MARK3: variants seen among roughly 807,000 people sequenced by gnomAD.
MARK3 encodes the protein MAP/microtubule affinity-regulating kinase 3.
MARK3 carries 46 observed loss-of-function variants against 90.1 expected under a neutral mutation model. The ratio of observed to expected loss-of-function variants is 0.51; its 90% confidence interval spans 0.40 to 0.65. The LOEUF (loss-of-function observed/expected upper bound fraction) is 0.65, where lower values mean the gene tolerates loss of function less well. MARK3 is among the 30% of genes least tolerant of loss of function. The pLI is 0.00. For synonymous variants in MARK3, 321 were observed against 332.6 expected (o/e 0.97, Z 0.38); for missense variants, 818 against 947.2 (o/e 0.86, Z 1.79).
At chr14:103,481,983 G>T (rs1487391979) in intron 14 of MARK3, among the ~76,000 whole-genome samples, 1 of 150,582 alleles carries the variant, frequency 6.6e-6, no homozygotes, top group Non-Finnish European at 1.5e-5. Flanking sequence ...AGCCAGGATG[G>T]TCTCGATCTC....
chr14:103,388,684 CT>C (rs1300432503), intron 1 of MARK3, among the ~76,000 whole-genome samples: 1 of 152,202 alleles, frequency 6.6e-6, no homozygotes, highest in African/African-American at 2.4e-5. Context: ...TGCCCTCTCC[CT>C]TTCTTAGCCC....
In MARK3 at chr14:103,452,000, A is replaced by G. The variant is rs372829549; in HGVS notation, c.412+17A>G. ...CAAGTGGAGGTAAGAACATTTTTAT[A>G]TATATTGGGTTTTTTTTCTTTCTCC... On this transcript the variant is annotated intron_variant, in intron 5 of 17. Transcript: ENST00000429436. 1.2e-5 allele frequency: 19 copies of G among 1,567,864 alleles called. No homozygotes were observed. The highest frequency in any genetic ancestry group is 1.7e-5 in the Non-Finnish European group (19 of 1,142,426).
chr14:103,415,626 A>G (rs1296615292), intron 2 of MARK3, among the ~76,000 whole-genome samples: 1 of 151,768 alleles, frequency 6.6e-6, no homozygotes, highest in Non-Finnish European at 1.5e-5. Context: ...TTTCAAGTTC[A>G]TTATTTTCCC....
chr14:103,479,971 G>A (rs1357682590), intron 13 of MARK3, among the ~76,000 whole-genome samples: 2 of 152,032 alleles, frequency 1.3e-5, no homozygotes, highest in Non-Finnish European at 2.9e-5. Flanking sequence ...AATATCTATT[G>A]AAGGTGCCGA....
chr14:103,398,745 C>T (rs189141211), intron 1 of MARK3, among the ~76,000 whole-genome samples: 39 of 152,322 alleles, frequency 2.6e-4, no homozygotes, highest in Non-Finnish European at 1.3e-4. Flanking sequence ...AATTGCCTAG[C>T]TGCTTTCAAA....
chr14:103,459,861 C>T (rs1306286694), intron 6 of MARK3, among the ~76,000 whole-genome samples: 1 of 151,608 alleles, frequency 6.6e-6, no homozygotes, highest in Non-Finnish European at 1.5e-5. Context: ...ATTACTTTGA[C>T]TAAGTAAAAC....
chr14:103,387,968 G>C (rs2089943971), intron 1 of MARK3, among the ~76,000 whole-genome samples: 2 of 152,108 alleles, frequency 1.3e-5, no homozygotes, highest in African/African-American at 4.8e-5. Flanking sequence ...GTCTGGCTCT[G>C]TCTCCCAGGC....
At chr14:103,411,268 C>T (rs1254502922) in intron 2 of MARK3, among the ~76,000 whole-genome samples, 4 of 152,036 alleles carry the variant, frequency 2.6e-5, no homozygotes, top group Non-Finnish European at 2.9e-5. Context: ...AGTGAGACTC[C>T]GTCTCGAAAA....
Position 103,385,623 on chromosome 14 carries a change from A to T in MARK3, c.-407A>T. 15 of 161,870 alleles carry T rather than the reference A, an allele frequency of 9.3e-5. No individual in the cohort carries two copies. Among genetic ancestry groups the T allele is most frequent in the East Asian group, 7.1e-4 (4 of 5,610 alleles). The allele number at this position is 161,870 out of a possible 1,614,324, so 10.0% of individuals were successfully genotyped here. On this transcript the variant is annotated 5_prime_UTR_variant, in exon 1 of 18. Transcript: ENST00000429436. ...CATCCTCCTCCGCCTCCTCGTTTTCAGGCGCCGCCGGCGGCGCTGTGTGGA... is the reference window on the plus strand; with the variant it reads ...CATCCTCCTCCGCCTCCTCGTTTTCTGGCGCCGCCGGCGGCGCTGTGTGGA...
At chr14:103,451,008 G>A (rs530724908) in intron 4 of MARK3, among the ~76,000 whole-genome samples, 5 of 136,128 alleles carry the variant, frequency 3.7e-5, no homozygotes, top group South Asian at 2.4e-4. Flanking sequence ...TCAGGTCACT[G>A]CAACCTCCAC....
At chr14:103,423,378 T>A (rs978123555) in intron 2 of MARK3, among the ~76,000 whole-genome samples, 1 of 152,124 alleles carries the variant, frequency 6.6e-6, no homozygotes, top group African/African-American at 2.4e-5. Context: ...GTATGAGCTG[T>A]CCCATCCCTA....
At chr14:103,438,574 A>C (rs973431529) in intron 3 of MARK3, among the ~76,000 whole-genome samples, 1 of 152,188 alleles carries the variant, frequency 6.6e-6, no homozygotes, top group East Asian at 1.9e-4. Context: ...GTTAGTACCA[A>C]ATTCATTTTA....
At chr14:103,455,547 T>C (rs532007334) in intron 5 of MARK3, among the ~76,000 whole-genome samples, 66 of 152,114 alleles carry the variant, frequency 4.3e-4, no homozygotes, top group Admixed American at 2.0e-3. Context: ...GCCAACGTGG[T>C]GAAACCCCCA....
intron 7 of MARK3, among the ~76,000 whole-genome samples, 172 bp from the exon 8 acceptor site, chr14:103,465,380 TATAAA>T (rs1194748918): frequency 6.6e-6 from 1 of 152,240 alleles, no homozygotes; most frequent in East Asian, 1.9e-4. Flanking sequence ...TTGTTAATAT[TATAAA>T]ATAAGGAGTT....
At chr14:103,445,858 C>T (rs11622356) in intron 3 of MARK3, among the ~76,000 whole-genome samples, 39,096 of 151,978 alleles carry the variant, frequency 0.26, 6,190 homozygotes, top group Middle Eastern at 0.43. Context: ...AGAACTGTGA[C>T]AACTCTGTAA....
chr14:103,486,695 T>C (rs17617941), intron 14 of MARK3, among the ~76,000 whole-genome samples: 39,642 of 152,012 alleles, frequency 0.26, 6,440 homozygotes, highest in Middle Eastern at 0.45. Flanking sequence ...CTGCCTGTTG[T>C]AAATAGGATT....
intron 2 of MARK3, among the ~76,000 whole-genome samples, chr14:103,419,211 A>G (rs1418565720): frequency 6.6e-6 from 1 of 152,176 alleles, no homozygotes; most frequent in Non-Finnish European, 1.5e-5. Context: ...GAATGGCGTG[A>G]ACCCGGGAGG....
At chr14:103,417,147 A>G (rs2091978937) in intron 2 of MARK3, 1 of 152,228 alleles carries the variant, frequency 6.6e-6, no homozygotes, top group African/African-American at 2.4e-5. Context: ...ATTTGCAGAG[A>G]TTGGGGTTTT....
intron 3 of MARK3, among the ~76,000 whole-genome samples, chr14:103,438,720 A>G (rs900249034): frequency 9.2e-5 from 14 of 151,600 alleles, no homozygotes; most frequent in Admixed American, 3.3e-4. Context: ...TTGGCCAGGC[A>G]TGGTGGCTCA....
Sources: allele counts gnomAD v4.1 joint callset (sites outside exome capture counted in the v4.1 genomes callset), GRCh38; gene constraint gnomAD v4.1.1; transcripts MANE v1.5; gene names NCBI Gene and HGNC (gene_info 2026-07-23, HGNC 2026-07-21).